KANK2: variants seen among roughly 807,000 people sequenced by gnomAD.
The protein encoded by KANK2 is KN motif and ankyrin repeat domain-containing protein 2.
Under a neutral mutation model 74.6 loss-of-function variants are expected in KANK2, and 41 were observed. The ratio of observed to expected loss-of-function variants is 0.55; its 90% CI spans 0.43 to 0.71. The LOEUF (loss-of-function observed/expected upper bound fraction) is 0.71. KANK2 is among the 30% of genes least tolerant of loss of function. The pLI is 0.00. For synonymous variants in KANK2, 537 were observed against 519.0 expected, an observed-to-expected ratio of 1.03 and a Z score of -0.47; for missense variants, 1,148 against 1,196.4, an observed-to-expected ratio of 0.96 and a Z score of 0.60.
chr19:11,178,312 T>A, intron 6 of KANK2, 33 bp downstream of exon 6: 1 of 628,984 alleles, frequency 1.6e-6, no homozygotes, highest in Middle Eastern at 6.3e-4. Flanking sequence ...GGGCGGGAAG[T>A]ATGGGGTGGG....
At chr19:11,181,088 CAAAAAAAAAAAAAAAAAA>C (rs752985367) in intron 4 of KANK2, among the ~76,000 whole-genome samples, 1 of 24,112 alleles carries the variant, frequency 4.1e-5, no homozygotes. Flanking sequence ...CTCTTGTCTC[CAAAAAAAAAAAAAAAAAA>C]AAAAAAAAAA....
intron 12 of KANK2, among the ~76,000 whole-genome samples, chr19:11,167,694 A>AT (rs2078061203): frequency 6.6e-6 from 1 of 151,502 alleles, no homozygotes; most frequent in Non-Finnish European, 1.5e-5. Context: ...CACCCAGCTA[A>AT]TTTTTGTATT....
At chr19:11,188,752 G>C (rs1439148313) in intron 4 of KANK2, among the ~76,000 whole-genome samples, 1 of 151,866 alleles carries the variant, frequency 6.6e-6, no homozygotes, top group Admixed American at 6.6e-5. Flanking sequence ...GGGAGGCCGA[G>C]GCGGGCAGAC....
intron 4 of KANK2, among the ~76,000 whole-genome samples, chr19:11,179,127 C>T (rs1054761837): frequency 6.6e-6 from 1 of 151,398 alleles, no homozygotes; most frequent in East Asian, 2.0e-4. Context: ...ACCAGCCTGG[C>T]TAACATGGTG....
At position 11,173,068 on chromosome 19, in the gene KANK2, G is replaced by A. The variant is rs775199754; in HGVS notation, c.2124C>T (p.Thr708=). The A allele has an allele frequency of 2.4e-5, 38 of 1,614,018 alleles. No individual in the cohort carries two copies. Among genetic ancestry groups the A allele is most frequent in the South Asian group, 1.8e-4 (16 of 91,082 alleles). The change falls in exon 10 of 13, where the codon ACC becomes ACT. Residue 708 remains threonine (T), a synonymous_variant. Transcript: ENST00000586659. ...CCTGGGTCTTCAGGGTGGCCAGGGC[G>A]GTGAGCATAATAGGGCTGTAGCCAG... The part of the protein sequence containing the change: ...NRAGYSPIML[T]ALATLKTQDD...
chr19:11,190,751 GAC>G (rs2078819303), intron 4 of KANK2, among the ~76,000 whole-genome samples: 2 of 143,216 alleles, frequency 1.4e-5, no homozygotes, highest in South Asian at 4.3e-4. Context: ...TTATTGTTGA[GAC>G]ACAGTTTCAC....
intron 6 of KANK2, 23 bp from the exon 7 acceptor site, chr19:11,176,840 G>C (rs373839082): frequency 1.5e-5 from 23 of 1,494,336 alleles, no homozygotes; most frequent in Non-Finnish European, 1.8e-5. Flanking sequence ...GAGCGGGGAG[G>C]GGGAGATGCT....
In KANK2 at chr19:11,172,936, A is replaced by G. The variant is rs778143762; in HGVS notation, c.2211+45T>C. ...CTGTCACTCAGCTGGGATGTCATAA[A>G]GTAGGAAGAGCCACCTGGATCTGCA... On this transcript the variant is annotated intron_variant, in intron 10 of 12. Coordinates refer to ENST00000586659, the MANE Select transcript of KANK2 (RefSeq NM_001136191.3). 2.5e-6 allele frequency: 4 copies of G among 1,595,872 alleles called. No homozygotes were observed. In the Admixed American group the frequency reaches 5.1e-5, roughly 20 times the overall value.
At chr19:11,177,974 G>A (rs929792307) in intron 6 of KANK2, among the ~76,000 whole-genome samples, 5 of 152,102 alleles carry the variant, frequency 3.3e-5, no homozygotes, top group African/African-American at 1.2e-4. Context: ...CTTTCTTGAG[G>A]ACCTGCACCA....
chr19:11,181,535 C>T (rs1053322753), intron 4 of KANK2, among the ~76,000 whole-genome samples: 1 of 152,152 alleles, frequency 6.6e-6, no homozygotes, highest in Non-Finnish European at 1.5e-5. Context: ...GTGGGAACCA[C>T]TGCGCCCAGC....
chr19:11,192,989 A>G lies in KANK2; in HGVS notation c.1091T>C (p.Leu364Pro), dbSNP rs368337937. The G allele has an allele frequency of 6.2e-7, 1 of 1,613,992 alleles. No individual in the cohort carries two copies. Among genetic ancestry groups the G allele is most frequent in the Admixed American group, 1.7e-5 (1 of 60,032 alleles). The change falls in exon 4 of 13, where the codon CTG becomes CCG. Residue 364 changes from leucine to proline, a missense_variant. Coordinates refer to ENST00000586659, the MANE Select transcript of KANK2 (RefSeq NM_001136191.3). ...CCTACCAGGCATTGCCAGGGCCCTC[A>G]GCCCTGTGCCGTAAGGCTCCAGGCT... Reference protein sequence around the residue: ...AQSLEPYGTGLRALAMPGRPE... With the variant: ...AQSLEPYGTGPRALAMPGRPE...
At chr19:11,182,633 G>A (rs1427030243) in intron 4 of KANK2, among the ~76,000 whole-genome samples, 1 of 151,564 alleles carries the variant, frequency 6.6e-6, no homozygotes, top group Admixed American at 6.6e-5. Context: ...CACAAGGTTA[G>A]GAGATCGAGA....
chr19:11,176,043 G>GA, intron 7 of KANK2, 54 bp from the exon 8 acceptor site: 1 of 1,392,274 alleles, frequency 7.2e-7, no homozygotes, highest in Admixed American at 1.7e-5. Context: ...CGGTGCCTGG[G>GA]AAGGGACTTG....
rs1391549805 is a variant in KANK2 at position 11,166,455 on chromosome 19, G to A, written c.*103C>T. On this transcript the variant is annotated 3_prime_UTR_variant, in exon 13 of 13. Transcript: ENST00000586659. ...CGCTTGCCTTTGAGCCGTGGGCCTTGGGGAGTGTGAGTGGGGTGGGCCAGG... is the reference window on the plus strand; with the variant it reads ...CGCTTGCCTTTGAGCCGTGGGCCTTAGGGAGTGTGAGTGGGGTGGGCCAGG... 3.7e-6 allele frequency: 4 copies of A among 1,081,626 alleles called. No homozygotes were observed. In the East Asian group the frequency reaches 7.1e-5, roughly 19 times the overall value. 67.0% of individuals were successfully genotyped at this position (1,081,626 alleles called of 1,614,324 possible).
chr19:11,179,886 G>C (rs1309694846), intron 4 of KANK2, among the ~76,000 whole-genome samples: 1 of 152,088 alleles, frequency 6.6e-6, no homozygotes, highest in Non-Finnish European at 1.5e-5. Flanking sequence ...GTAAGACAGG[G>C]TTTCACTCCC....
chr19:11,171,510 T>C (rs1319406361), intron 10 of KANK2, among the ~76,000 whole-genome samples: 1 of 150,932 alleles, frequency 6.6e-6, no homozygotes, highest in African/African-American at 2.4e-5. Flanking sequence ...TAATCTTATG[T>C]TTTGTGAATT....
At chr19:11,187,035 A>G (rs2078696132) in intron 4 of KANK2, among the ~76,000 whole-genome samples, 1 of 152,078 alleles carries the variant, frequency 6.6e-6, no homozygotes, top group South Asian at 2.1e-4. Context: ...AGGCGGACAG[A>G]TCATGAGGTC....
In KANK2 at chr19:11,178,502, A is replaced by T. The variant is rs556866608; in HGVS notation, c.1417+51T>A. The T allele has an allele frequency of 9.4e-6, 15 of 1,601,114 alleles. No individual in the cohort carries two copies. In the South Asian group the frequency reaches 1.7e-4, roughly 18 times the overall value. Reference sequence around the variant, plus strand: ...AGAGTCCTTCAGGGCCAGACTCCGAACTGGCGCCATCCCGGTGCCCCGTCC... The same window carrying T: ...AGAGTCCTTCAGGGCCAGACTCCGATCTGGCGCCATCCCGGTGCCCCGTCC... On this transcript the variant is annotated intron_variant, in intron 5 of 12. Transcript: ENST00000586659.
chr19:11,196,492 G>A, intron 1 of KANK2: 1 of 152,732 alleles, frequency 6.5e-6, no homozygotes, highest in Non-Finnish European at 1.5e-5. Context: ...TGGGGAAGTG[G>A]CTGGGCCTGA....
Sources: gnomAD v4.1 joint callset for allele counts (sites outside exome capture counted in the v4.1 genomes callset) on GRCh38, gnomAD v4.1.1 for gene constraint, MANE v1.5 for transcripts, NCBI Gene and HGNC (gene_info 2026-07-23, HGNC 2026-07-21) for gene names.